Variants in PIAS1 observed in about 807,000 individuals in gnomAD.
The protein encoded by PIAS1 is E3 SUMO-protein ligase PIAS1.
In PIAS1, 6 loss-of-function variants were observed where a neutral mutation model predicts 71.3. That is an observed-to-expected ratio of 0.08 (90% CI 0.05 to 0.17). PIAS1 has a LOEUF of 0.17. PIAS1 is among the 10% of genes least tolerant of loss of function. The probability of loss-of-function intolerance (pLI) is 1.00; values close to 1 mark genes in which losing one functional copy is unlikely to be tolerated. For synonymous variants in PIAS1, 303 were observed against 292.9 expected, an observed-to-expected ratio of 1.03 and a Z score of -0.35; for missense variants, 555 against 793.6, an observed-to-expected ratio of 0.70 and a Z score of 3.61.
At chr15:68,055,158 G>C (rs374330530) in intron 1 of PIAS1, 1 of 980,162 alleles carries the variant, frequency 1.0e-6, no homozygotes, top group African/African-American at 1.8e-5. Context: ...TTTTGCCTTA[G>C]CTGGTGTGGA....
At chr15:68,058,210 C>CG (rs1254046151) in intron 1 of PIAS1, among the ~76,000 whole-genome samples, 1 of 152,176 alleles carries the variant, frequency 6.6e-6, no homozygotes, top group Non-Finnish European at 1.5e-5. Flanking sequence ...CAACCAAAAA[C>CG]GGATTCATTA....
chr15:68,132,732 G>A (rs2092696587), intron 2 of PIAS1, among the ~76,000 whole-genome samples: 1 of 152,048 alleles, frequency 6.6e-6, no homozygotes, highest in Admixed American at 6.6e-5. Context: ...ATAGAGCTTA[G>A]AAGAACAAAA....
intron 1 of PIAS1, among the ~76,000 whole-genome samples, chr15:68,080,626 A>G (rs1319251573): frequency 6.6e-6 from 1 of 152,236 alleles, no homozygotes; most frequent in East Asian, 1.9e-4. Flanking sequence ...GAAATCATCC[A>G]AAAGTAAGCC....
intron 2 of PIAS1, among the ~76,000 whole-genome samples, chr15:68,123,372 C>CTACA (rs1011412098): frequency 6.6e-6 from 1 of 152,158 alleles, no homozygotes; most frequent in Non-Finnish European, 1.5e-5. Context: ...ATATGCAATT[C>CTACA]TACATACCCT....
chr15:68,161,951 CGTT>C (rs1368614839), intron 7 of PIAS1, among the ~76,000 whole-genome samples: 1 of 149,204 alleles, frequency 6.7e-6, no homozygotes, highest in Non-Finnish European at 1.5e-5. Context: ...TTTTTCTTGT[CGTT>C]GTTGAGACAG....
chr15:68,055,890 A>G, intron 1 of PIAS1: 1 of 701,112 alleles, frequency 1.4e-6, no homozygotes, highest in Non-Finnish European at 2.6e-6. Context: ...CACAATGTTT[A>G]CACTCCAAGA....
chr15:68,085,803 G>A (rs1399759549), intron 1 of PIAS1, among the ~76,000 whole-genome samples: 2 of 152,182 alleles, frequency 1.3e-5, no homozygotes, highest in African/African-American at 4.8e-5. Context: ...TCCAGAGTTA[G>A]TACAGAATGT....
chr15:68,138,392 C>T (rs186826152), intron 2 of PIAS1, among the ~76,000 whole-genome samples: 28 of 152,098 alleles, frequency 1.8e-4, no homozygotes, highest in Non-Finnish European at 1.5e-5. Flanking sequence ...TTGGGATAGG[C>T]CAATACAGAA....
intron 1 of PIAS1, among the ~76,000 whole-genome samples, chr15:68,056,345 G>C (rs1414879528): frequency 2.6e-5 from 4 of 152,212 alleles, no homozygotes; most frequent in African/African-American, 4.8e-5. Context: ...TTTTAAGAAA[G>C]TGCCTTTGGG....
chr15:68,056,479 TG>T (rs2091897566), intron 1 of PIAS1, among the ~76,000 whole-genome samples: 1 of 152,234 alleles, frequency 6.6e-6, no homozygotes, highest in Non-Finnish European at 1.5e-5. Flanking sequence ...TCTCGTTTTT[TG>T]TGCTCTCCCA....
chr15:68,067,936 ATAT>A (rs757824198), intron 1 of PIAS1, among the ~76,000 whole-genome samples: 1 of 152,194 alleles, frequency 6.6e-6, no homozygotes, highest in Non-Finnish European at 1.5e-5. Context: ...GTAGTTTTGT[ATAT>A]TATTATTTGT....
At chr15:68,168,778 T>C (rs1341279503) in intron 8 of PIAS1, among the ~76,000 whole-genome samples, 1 of 152,246 alleles carries the variant, frequency 6.6e-6, no homozygotes, top group Non-Finnish European at 1.5e-5. Context: ...AGCGAGCTTT[T>C]GCTTTCACAT....
In PIAS1 at chr15:68,181,307, A is replaced by G; in HGVS notation, c.1577A>G (p.Asp526Gly). Residue 526 changes from aspartate (D) to glycine (G), a missense_variant, in exon 12 of 14, where the codon GAC (aspartate) becomes GGC (glycine). Asp to Gly is a moderately conservative substitution (Grantham distance 94). Coordinates refer to ENST00000249636, the MANE Select transcript of PIAS1 (RefSeq NM_016166.3). The stretch of plus-strand genomic sequence containing the variant: ...TACATTAATACCTCCCTCATCCAAG[A>G]CTATAGGCATCCTTTCCACATGACA... ...TSYINTSLIQDYRHPFHMTPM... is the reference protein window; with the variant it reads ...TSYINTSLIQGYRHPFHMTPM... 6.2e-7 allele frequency: 1 copy of G among 1,613,762 alleles called. No individual in the cohort carries two copies. Among genetic ancestry groups the G allele is most frequent in the Non-Finnish European group, 8.5e-7 (1 of 1,179,736 alleles).
intron 2 of PIAS1, among the ~76,000 whole-genome samples, chr15:68,117,710 G>C (rs1403017651): frequency 6.6e-6 from 1 of 152,088 alleles, no homozygotes; most frequent in Non-Finnish European, 1.5e-5. Context: ...TGGCTGAATA[G>C]TATTCTATCA....
intron 2 of PIAS1, among the ~76,000 whole-genome samples, chr15:68,097,960 A>AT (rs1208886565): frequency 1.3e-5 from 2 of 152,022 alleles, no homozygotes; most frequent in African/African-American, 4.8e-5. Context: ...TCTGAATTTT[A>AT]TTTTTGTTTA....
chr15:68,096,673 A>T (rs1291602600), intron 2 of PIAS1, among the ~76,000 whole-genome samples: 1 of 151,888 alleles, frequency 6.6e-6, no homozygotes, highest in African/African-American at 2.4e-5. Context: ...ATCCTTCTTG[A>T]TGCTACTGAA....
At chr15:68,083,025 C>T (rs931352767) in intron 1 of PIAS1, among the ~76,000 whole-genome samples, 1 of 152,130 alleles carries the variant, frequency 6.6e-6, no homozygotes, top group Non-Finnish European at 1.5e-5. Context: ...CCCTAGGATT[C>T]TGAGATCTCT....
chr15:68,055,607 A>C (rs2091887172), intron 1 of PIAS1, among the ~76,000 whole-genome samples: 1 of 152,084 alleles, frequency 6.6e-6, no homozygotes, highest in South Asian at 2.1e-4. Flanking sequence ...CGAGGCTCTG[A>C]ACGCGATCTT....
At chr15:68,102,674 T>G (rs2092437160) in intron 2 of PIAS1, among the ~76,000 whole-genome samples, 1 of 152,226 alleles carries the variant, frequency 6.6e-6, no homozygotes, top group Admixed American at 6.5e-5. Flanking sequence ...TTGTTAGACC[T>G]GTACTTAAAT....
Sources: gnomAD v4.1 joint callset for allele counts (sites outside exome capture counted in the v4.1 genomes callset) on GRCh38, gnomAD v4.1.1 for gene constraint, MANE v1.5 for transcripts, NCBI Gene and HGNC (gene_info 2026-07-23, HGNC 2026-07-21) for gene names.